The following TIGAR variants were observed in gnomAD, a reference collection of about 807,000 sequenced individuals.
The protein encoded by TIGAR is TP53 induced glycolysis regulatory phosphatase.
In TIGAR, 7 loss-of-function variants were observed where a neutral mutation model predicts 17.9. The observed-to-expected ratio is 0.39, with a 90% CI of 0.22 to 0.73. TIGAR has a LOEUF of 0.73. Among genes scored for constraint, TIGAR ranks in the 30% least tolerant of loss-of-function variants. TIGAR has a pLI of 0.42. For synonymous variants in TIGAR, 94 were observed against 108.6 expected, an observed-to-expected ratio of 0.87 and a Z score of 0.84; for missense variants, 258 against 327.4, an observed-to-expected ratio of 0.79 and a Z score of 1.64.
chr12:4,351,417 C>T (rs1300901907), intron 5 of TIGAR, 40 bp downstream of exon 5: 2 of 1,544,626 alleles, frequency 1.3e-6, no homozygotes, highest in Admixed American at 3.5e-5. Flanking sequence ...TGAATTAAGA[C>T]TCAAAATTAG....
At chr12:4,339,099 T>G (rs749850415) in intron 3 of TIGAR, among the ~76,000 whole-genome samples, 1 of 150,330 alleles carries the variant, frequency 6.7e-6, no homozygotes, top group Non-Finnish European at 1.5e-5. Context: ...AAATGAAGAC[T>G]CCAAAAGATC....
At chr12:4,339,373 G>A (rs976359849) in intron 3 of TIGAR, among the ~76,000 whole-genome samples, 13 of 152,108 alleles carry the variant, frequency 8.5e-5, no homozygotes, top group Non-Finnish European at 1.6e-4. Context: ...AGCCTAAACA[G>A]AATAATAACA....
chr12:4,351,399 A>G (rs371266757), intron 5 of TIGAR, 22 bp downstream of exon 5: 1 of 1,593,228 alleles, frequency 6.3e-7, no homozygotes, highest in East Asian at 2.2e-5. Flanking sequence ...TGCCGATGTC[A>G]GAATGGTTGA....
chr12:4,353,264 G>T lies in TIGAR; in HGVS notation c.*573G>T, dbSNP rs1205304833. On this transcript the variant is annotated 3_prime_UTR_variant, in exon 6 of 6. Transcript: ENST00000179259. ...ATGTGGATGAATACAGATTATGATT[G>T]CAGAATGGTCTGGGGGAAGAAGTTA... The T allele has an allele frequency of 1.3e-5, 2 of 152,310 alleles. No homozygotes were observed. The highest frequency in any genetic ancestry group is 6.5e-5 in the Admixed American group (1 of 15,292). The allele number at this position is 152,310 out of a possible 1,614,324, so 9.4% of individuals were successfully genotyped here.
At position 4,355,765 on chromosome 12, in the gene TIGAR, A is replaced by G. The variant is rs1182781949; in HGVS notation, c.*3074A>G. 6.6e-6 allele frequency among the ~76,000 whole-genome samples: 1 copy of G among 152,218 alleles called. No individual in the cohort carries two copies. Among genetic ancestry groups the G allele is most frequent in the Admixed American group, 6.5e-5 (1 of 15,288 alleles). On this transcript the variant is annotated 3_prime_UTR_variant, in exon 6 of 6. Transcript: ENST00000179259. ...ATTGTGGTCAGTGCTGTTGAGCAAA[A>G]TAGGTCAGAGTAAGGGGGATGGAGA...
chr12:4,324,224 G>T (rs1864510732), intron 1 of TIGAR: 2 of 599,926 alleles, frequency 3.3e-6, no homozygotes, highest in Admixed American at 3.0e-5. Context: ...GTGTAGGTTG[G>T]CATTACCATC....
At chr12:4,324,814 TGTC>T (rs770146133) in intron 1 of TIGAR, 252 of 582,672 alleles carry the variant, frequency 4.3e-4, no homozygotes, top group Non-Finnish European at 6.7e-4. Flanking sequence ...TCGGCCATCT[TGTC>T]GGATCCTCAG....
chr12:4,339,536 A>G (rs1286473078), intron 3 of TIGAR, among the ~76,000 whole-genome samples: 2 of 152,222 alleles, frequency 1.3e-5, no homozygotes, highest in Non-Finnish European at 2.9e-5. Flanking sequence ...AATACTTCCA[A>G]ACTTATTCTG....
At chr12:4,340,965 G>C (rs1864713337) in intron 3 of TIGAR, among the ~76,000 whole-genome samples, 1 of 152,148 alleles carries the variant, frequency 6.6e-6, no homozygotes, top group South Asian at 2.1e-4. Flanking sequence ...AAACTCTCCA[G>C]AACATTGTTC....
At chr12:4,324,643 A>C in intron 1 of TIGAR, 1 of 1,384,458 alleles carries the variant, frequency 7.2e-7, no homozygotes, top group South Asian at 1.2e-5. Context: ...GCGCTTCAGC[A>C]GCGAGTTCTG....
At chr12:4,339,281 CA>C (rs1320135578) in intron 3 of TIGAR, among the ~76,000 whole-genome samples, 1 of 151,936 alleles carries the variant, frequency 6.6e-6, no homozygotes, top group Non-Finnish European at 1.5e-5. Context: ...AACTATATGC[CA>C]AAAAATTGGA....
In TIGAR at chr12:4,353,664, T is replaced by C. The variant is rs939846539; in HGVS notation, c.*973T>C. 8.5e-5 allele frequency: 13 copies of C among 152,172 alleles called. No homozygotes were observed. Among genetic ancestry groups the C allele is most frequent in the South Asian group, 2.1e-4 (1 of 4,828 alleles). 9.4% of individuals were successfully genotyped at this position (152,172 alleles called of 1,614,324 possible). A position where few individuals can be genotyped will look rare whatever the true frequency, so the allele number is the denominator to read the frequency against. ...AGCCTGGCCAACAATGGTGAAACCC[T>C]GTCTCTACTACAAATACAAAAAAGC... On this transcript the variant is annotated 3_prime_UTR_variant, in exon 6 of 6. Coordinates refer to ENST00000179259, the MANE Select transcript of TIGAR (RefSeq NM_020375.3).
intron 3 of TIGAR, among the ~76,000 whole-genome samples, chr12:4,341,771 A>G (rs1248443784): frequency 6.6e-6 from 1 of 151,918 alleles, no homozygotes; most frequent in Non-Finnish European, 1.5e-5. Context: ...AAGGTAGATA[A>G]AACCACAAAG....
rs1864872568 is a variant in TIGAR, at chr12:4,354,378, AAACAT to A, written c.*1690_*1694del. On this transcript the variant is annotated 3_prime_UTR_variant, in exon 6 of 6. Coordinates refer to ENST00000179259, the MANE Select transcript of TIGAR (RefSeq NM_020375.3). The stretch of plus-strand genomic sequence containing the variant: ...TTCCACTTTTTTTTTTAAAGAAACA[AAACAT>A]AAAGATAAAAGTAGAGTTCTCTTTA... The A allele has an allele frequency of 2.0e-5, 3 of 152,174 alleles. No individual in the cohort carries two copies. The allele number at this position is 152,174 out of a possible 1,614,324, so 9.4% of individuals were successfully genotyped here. A position where few individuals can be genotyped will look rare whatever the true frequency, so the allele number is the denominator to read the frequency against.
rs748586734 is a variant in TIGAR at position 4,331,331 on chromosome 12, G to A, written c.70+14G>A. On this transcript the variant is annotated intron_variant, in intron 2 of 5. Coordinates refer to ENST00000179259, the MANE Select transcript of TIGAR (RefSeq NM_020375.3). ...AAATAATCCAAGGTTGGTATAATCC[G>A]ATTGTTATTTTAGCTCTCACCCTTG... The A allele has an allele frequency of 2.2e-5, 35 of 1,606,440 alleles. No individual in the cohort carries two copies. Among genetic ancestry groups the A allele is most frequent in the Admixed American group, 1.8e-4 (11 of 59,958 alleles).
intron 3 of TIGAR, among the ~76,000 whole-genome samples, 170 bp downstream of exon 3, chr12:4,337,330 T>C (rs956857785): frequency 2.0e-5 from 3 of 152,156 alleles, no homozygotes; most frequent in Non-Finnish European, 2.9e-5. Flanking sequence ...CACACCTAGC[T>C]AATTTTTGTA....
In TIGAR at chr12:4,321,399, C is replaced by G; in HGVS notation, c.32+96C>G. The G allele has an allele frequency of 6.5e-7, 1 of 1,544,302 alleles. No homozygotes were observed. The highest frequency in any genetic ancestry group is 8.8e-7 in the Non-Finnish European group (1 of 1,135,776). ...ACGGGTCCACCACCCTCTCCCCTCC[C>G]TGCTCGCTCCAGCCCGGGAGGGCTG... On this transcript the variant is annotated intron_variant, in intron 1 of 5. Coordinates refer to ENST00000179259, the MANE Select transcript of TIGAR (RefSeq NM_020375.3). The surrounding 1 kb of genome is among the most constrained non-coding windows in gnomAD (Gnocchi z 5.2).
At chr12:4,322,952 C>G (rs560292299) in intron 1 of TIGAR, among the ~76,000 whole-genome samples, 2 of 152,128 alleles carry the variant, frequency 1.3e-5, no homozygotes, top group African/African-American at 4.8e-5. Context: ...CCTGACCCAG[C>G]CAGCCCAGTG....
intron 2 of TIGAR, among the ~76,000 whole-genome samples, chr12:4,335,040 TTCTTTTA>T (rs1385520810): frequency 6.6e-6 from 1 of 152,088 alleles, no homozygotes; most frequent in Non-Finnish European, 1.5e-5. Flanking sequence ...ATTTTTTCTG[TTCTTTTA>T]TTTTTTTGAG....
Sources: gnomAD v4.1 joint callset for allele counts (sites outside exome capture counted in the v4.1 genomes callset) on GRCh38, gnomAD v4.1.1 for gene constraint, Gnocchi (gnomAD v3.1) non-coding constraint, MANE v1.5 for transcripts, NCBI Gene and HGNC (gene_info 2026-07-23, HGNC 2026-07-21) for gene names.